MCF2L: variants seen among roughly 807,000 people sequenced by gnomAD.
MCF2L encodes guanine nucleotide exchange factor DBS.
A neutral mutation model predicts 153.4 loss-of-function variants in MCF2L; 97 were observed. The ratio of observed to expected loss-of-function variants is 0.63; its 90% CI spans 0.54 to 0.75. The LOEUF (loss-of-function observed/expected upper bound fraction) is 0.75. Ranked by LOEUF, MCF2L falls within the 30% of genes least tolerant of loss-of-function variation. The pLI is 0.00. For synonymous variants in MCF2L, 659 were observed against 632.2 expected (o/e 1.04, Z -0.64); for missense variants, 1,347 against 1,495.2 (o/e 0.90, Z 1.64).
chr13:113,090,845 T>G, intron 26 of MCF2L: 1 of 1,133,730 alleles, frequency 8.8e-7, no homozygotes, highest in Non-Finnish European at 1.1e-6. Flanking sequence ...CAAACTCTGC[T>G]AGCGCAGAAC....
chr13:113,005,664 T>A (rs1214301719), intron 1 of MCF2L, among the ~76,000 whole-genome samples: 2 of 152,120 alleles, frequency 1.3e-5, no homozygotes, highest in Non-Finnish European at 2.9e-5. Flanking sequence ...GGCCGTGGCC[T>A]GTTTGTGGTG....
chr13:113,003,881 G>A (rs1431062154), intron 1 of MCF2L, among the ~76,000 whole-genome samples: 4 of 152,210 alleles, frequency 2.6e-5, no homozygotes, highest in Admixed American at 6.5e-5. Context: ...GCAGGGTGGG[G>A]CGAGCCCCAC....
intron 16 of MCF2L, among the ~76,000 whole-genome samples, chr13:113,082,071 C>T (rs2034196583): frequency 6.6e-6 from 1 of 151,804 alleles, no homozygotes; most frequent in African/African-American, 2.4e-5. Flanking sequence ...AGACGGGTGT[C>T]TGAGTCACCG....
At chr13:113,076,392 G>A (rs1185245526) in intron 12 of MCF2L, among the ~76,000 whole-genome samples, 1 of 152,108 alleles carries the variant, frequency 6.6e-6, no homozygotes, top group Non-Finnish European at 1.5e-5. Context: ...AGCCTCCTGA[G>A]TAGCTGGGAT....
chr13:112,966,913 GC>G (rs1196704718), upstream of MCF2L, among the ~76,000 whole-genome samples: 1 of 152,236 alleles, frequency 6.6e-6, no homozygotes, highest in Admixed American at 6.5e-5. The surrounding 1 kb of genome is among the most constrained non-coding windows in gnomAD (Gnocchi z 4.1). Context: ...TCAGCAAGGA[GC>G]CATCAGAGCC....
At chr13:112,991,142 A>G (rs1203650521) in intron 1 of MCF2L, among the ~76,000 whole-genome samples, 1 of 152,182 alleles carries the variant, frequency 6.6e-6, no homozygotes, top group African/African-American at 2.4e-5. Context: ...TCTCAGCTGA[A>G]CTTGAGTGTG....
At chr13:113,063,587 C>G (rs2031894782) in intron 5 of MCF2L, among the ~76,000 whole-genome samples, 1 of 152,204 alleles carries the variant, frequency 6.6e-6, no homozygotes, top group Admixed American at 6.5e-5. Flanking sequence ...TGCAAGCAGT[C>G]AGACGGGACC....
At position 112,972,652 on chromosome 13, in the gene MCF2L, G is replaced by T. The variant is rs56662328; in HGVS notation, c.79+3194G>T. On this transcript the variant is annotated intron_variant, in intron 1 of 29. Coordinates refer to ENST00000535094, the MANE Select transcript of MCF2L (RefSeq NM_001112732.3). ...TGGATGAATGAGTTGGTAGATAGAT[G>T]GATGAGTGGATATATGTATGTAAGG... 9.9e-3 allele frequency among the ~76,000 whole-genome samples: 1,444 copies of T among 145,384 alleles called. 32 individuals carry two copies. Among genetic ancestry groups the T allele is most frequent in the African/African-American group, 0.036 (1,386 of 38,934 alleles).
chr13:113,007,430 T>C (rs1238158431), intron 1 of MCF2L, among the ~76,000 whole-genome samples: 1 of 152,190 alleles, frequency 6.6e-6, no homozygotes, highest in Admixed American at 6.5e-5. Context: ...TTGAGACCCC[T>C]GCGTTGTGGT....
rs78061821 is a variant in MCF2L, at chr13:113,091,569, G to A, written c.2953+1841G>A. On this transcript the variant is annotated intron_variant, in intron 26 of 29. Coordinates refer to ENST00000535094, the MANE Select transcript of MCF2L (RefSeq NM_001112732.3). ...GTTCCCTGCCCTTCCCTGTGGCACA[G>A]TTTGCCCCGACACTTCCTGCTGGGA... Among the ~76,000 whole-genome samples the A allele has an allele frequency of 3.0e-3, 453 of 152,292 alleles. 4 individuals are homozygous for A. Among genetic ancestry groups the A allele is most frequent in the East Asian group, 0.03 (152 of 5,138 alleles).
chr13:112,968,395 G>A (rs2081933189), upstream of MCF2L: 16 of 1,539,378 alleles, frequency 1.0e-5, no homozygotes, highest in African/African-American at 4.1e-5. Context: ...GCATAGACAC[G>A]AGCTGGAATC....
rs187845567 is a variant in MCF2L, at chr13:112,995,543, G to T, written c.80-19220G>T. The stretch of plus-strand genomic sequence containing the variant: ...CCCAGGAGAGCAGAGGGGAGCTGGC[G>T]GCCGAGGTGGGGTCGGTGGTGGGGT... On this transcript the variant is annotated intron_variant, in intron 1 of 29. Transcript: ENST00000535094. 1.5e-3 allele frequency among the ~76,000 whole-genome samples: 235 copies of T among 152,322 alleles called. 1 individual carries two copies. Among genetic ancestry groups the T allele is most frequent in the African/African-American group, 5.4e-3 (223 of 41,582 alleles).
intron 1 of MCF2L, among the ~76,000 whole-genome samples, chr13:112,997,315 C>T (rs890890067): frequency 6.6e-6 from 1 of 152,212 alleles, no homozygotes; most frequent in Non-Finnish European, 1.5e-5. Flanking sequence ...TTGCTGCTGA[C>T]GCCCCTGTGC....
chr13:113,033,135 C>T (rs1310616492), intron 3 of MCF2L, among the ~76,000 whole-genome samples: 8 of 116,448 alleles, frequency 6.9e-5, no homozygotes, highest in East Asian at 2.6e-4. Context: ...ATGTGAGTGG[C>T]CCCCGTGACA....
intron 26 of MCF2L, chr13:113,090,965 G>A: frequency 1.6e-6 from 2 of 1,217,414 alleles, no homozygotes; most frequent in Non-Finnish European, 2.1e-6. Context: ...TCGGCTCCCT[G>A]TGTTTTGCTC....
At chr13:113,059,776 C>A (rs554863464) in intron 4 of MCF2L, among the ~76,000 whole-genome samples, 1 of 152,244 alleles carries the variant, frequency 6.6e-6, no homozygotes, top group Non-Finnish European at 1.5e-5. Flanking sequence ...CAAGTTCCCA[C>A]GCCTTGTAAG....
At chr13:113,078,230 C>G in intron 13 of MCF2L, 133 bp from the exon 14 acceptor site, 1 of 719,470 alleles carries the variant, frequency 1.4e-6, no homozygotes. Context: ...AGGCCAAGTC[C>G]TGCCCACGCC....
rs1322772223 is a variant in MCF2L at position 112,908,756 on chromosome 13, CAG to C, written c.169+6388_169+6389del. Among the ~76,000 whole-genome samples, 1,011 of 131,426 alleles carry C rather than the reference CAG, an allele frequency of 7.7e-3. 17 individuals carry two copies. The highest frequency in any genetic ancestry group is 0.027 in the African/African-American group (948 of 34,612). 86.2% of individuals were successfully genotyped at this position (131,426 alleles called of 152,430 possible). ...GGTTTTTTTTTGTTTTTTTTTGAGA[CAG>C]AGTCTCACTCTATTGTCCAGGGTGG... is the stretch of plus-strand genomic sequence containing the variant. On this transcript the variant is annotated intron_variant, in intron 2 of 29. Coordinates refer to the MCF2L transcript ENST00000375608.
chr13:113,088,658 C>T (rs753556914), intron 25 of MCF2L, 30 bp downstream of exon 25: 21 of 1,594,792 alleles, frequency 1.3e-5, no homozygotes, highest in Middle Eastern at 3.3e-4. Flanking sequence ...CGCAGGCCTG[C>T]GTTTCTGGAG....
Sources: allele counts gnomAD v4.1 joint callset (sites outside exome capture counted in the v4.1 genomes callset), GRCh38; gene constraint gnomAD v4.1.1; non-coding constraint Gnocchi (gnomAD v3.1); transcripts MANE v1.5; gene names NCBI Gene and HGNC (gene_info 2026-07-23, HGNC 2026-07-21).